Variants in AP2A2 observed in about 807,000 individuals in gnomAD.
The protein encoded by AP2A2 is adaptor related protein complex 2 subunit alpha 2, also known as AP-2 complex subunit alpha-2.
Under a neutral mutation model 104.2 loss-of-function variants are expected in AP2A2, and 32 were observed. That is an observed-to-expected ratio of 0.31 (90% CI 0.23 to 0.41). The LOEUF (loss-of-function observed/expected upper bound fraction) is 0.41. Among genes scored for constraint, AP2A2 ranks in the 10% least tolerant of loss-of-function variants. The pLI, the probability that AP2A2 is intolerant of heterozygous loss-of-function variation, is 1.00. For synonymous variants in AP2A2, 539 were observed against 533.3 expected, an observed-to-expected ratio of 1.01 and a Z score of -0.15; for missense variants, 912 against 1,261.0, an observed-to-expected ratio of 0.72 and a Z score of 4.19.
intron 1 of AP2A2, among the ~76,000 whole-genome samples, chr11:953,990 A>G (rs1475107185): frequency 6.6e-6 from 1 of 151,838 alleles, no homozygotes; most frequent in Non-Finnish European, 1.5e-5. Context: ...GCCTGCCACC[A>G]TGCCTGGCTA....
intron 6 of AP2A2, among the ~76,000 whole-genome samples, chr11:983,567 T>C (rs1028607666): frequency 2.0e-5 from 3 of 151,778 alleles, no homozygotes; most frequent in Non-Finnish European, 4.4e-5. Flanking sequence ...TATTTTTTAG[T>C]AGAGATGGGG....
At chr11:988,943 C>T (rs1414080332) in intron 10 of AP2A2, 7 of 521,920 alleles carry the variant, frequency 1.3e-5, no homozygotes, top group South Asian at 4.2e-5. Flanking sequence ...TGCAGTGAGT[C>T]GAGATCATGT....
chr11:1,011,632 C>T lies in AP2A2; in HGVS notation c.*1007C>T, dbSNP rs1283485696. The T allele has an allele frequency of 1.8e-5, 7 of 385,810 alleles. No individual in the cohort carries two copies. Among genetic ancestry groups the T allele is most frequent in the Non-Finnish European group, 3.1e-5 (6 of 191,924 alleles). The allele number at this position is 385,810 out of a possible 1,614,324, so 23.9% of individuals were successfully genotyped here. ...TGAGAGGCGAGAGAGTGGGGCCGGC[C>T]TAGGAGCCAAGGCTGGGGCCTTGCG... On this transcript the variant is annotated 3_prime_UTR_variant, in exon 22 of 22. Coordinates refer to ENST00000448903, the MANE Select transcript of AP2A2 (RefSeq NM_012305.4).
chr11:963,800 A>C (rs1854523192), intron 2 of AP2A2, among the ~76,000 whole-genome samples: 1 of 152,188 alleles, frequency 6.6e-6, no homozygotes, highest in Admixed American at 6.5e-5. Flanking sequence ...CATTTAAAAA[A>C]AGTTTTGTAG....
At chr11:985,358 A>G in intron 7 of AP2A2, 77 bp from the exon 8 acceptor site, 3 of 1,520,394 alleles carry the variant, frequency 2.0e-6, no homozygotes, top group South Asian at 2.5e-5. Flanking sequence ...CTCATGATGT[A>G]TGGGTGCAGC....
Position 994,193 on chromosome 11 carries a change from G to A in AP2A2, c.1904G>A (p.Ser635Asn). The stretch of plus-strand genomic sequence containing the variant: ...CTGGAGGACACCAAGCGGGACAGGA[G>A]TGTGGACGTGAACGGGGGTCCTGAG... ...TDLEDTKRDRSVDVNGGPEPA... is the reference protein window; with the variant it reads ...TDLEDTKRDRNVDVNGGPEPA... Residue 635 changes from serine to asparagine, a missense_variant, in exon 14 of 22, where the codon AGT becomes AAT. Ser to Asn is a conservative substitution (Grantham distance 46, BLOSUM62 1). This residue lies in a region of AP2A2 where 105 missense variants were observed against 90.9 expected (regional missense o/e 1.16). Transcript: ENST00000448903. 2 of 1,613,012 alleles carry A rather than the reference G, an allele frequency of 1.2e-6. No homozygotes were observed. The highest frequency in any genetic ancestry group is 2.2e-5 in the East Asian group (1 of 44,880).
intron 14 of AP2A2, among the ~76,000 whole-genome samples, chr11:997,853 T>C (rs1855903007): frequency 6.6e-6 from 1 of 152,118 alleles, no homozygotes; most frequent in Admixed American, 6.6e-5. Context: ...TGCAGTGAGC[T>C]GAGATTGCAC....
At chr11:960,997 G>A (rs1056938775) in intron 2 of AP2A2, among the ~76,000 whole-genome samples, 3 of 152,274 alleles carry the variant, frequency 2.0e-5, no homozygotes, top group Non-Finnish European at 4.4e-5. Flanking sequence ...GGAAACCAGT[G>A]ATCTCAAGTT....
Position 988,566 on chromosome 11 carries a change from G to A in AP2A2, c.1146G>A (p.Val382=). The change falls in exon 10 of 22, where the codon GTG becomes GTA. Residue 382 remains valine, a synonymous_variant. Coordinates refer to ENST00000448903, the MANE Select transcript of AP2A2 (RefSeq NM_012305.4). ...VINALKTERD[V]SVRQRAVDLL... is the part of the protein sequence containing the mutation. ...TTGTTCCCCAGACTGAGCGGGACGT[G>A]AGCGTGCGGCAGCGGGCCGTGGACC... The A allele has an allele frequency of 6.2e-7, 1 of 1,611,924 alleles. No individual in the cohort carries two copies. The highest frequency in any genetic ancestry group is 8.5e-7 in the Non-Finnish European group (1 of 1,179,864).
At position 994,379 on chromosome 11, in the gene AP2A2, C is replaced by T. The variant is rs538834769; in HGVS notation, c.1956+134C>T. 52 of 1,146,472 alleles carry T rather than the reference C, an allele frequency of 4.5e-5. 1 individual carries two copies. In the South Asian group the frequency reaches 5.1e-4, roughly 11 times the overall value. 71.0% of individuals were successfully genotyped at this position (1,146,472 alleles called of 1,614,324 possible). On this transcript the variant is annotated intron_variant, in intron 14 of 21. Coordinates refer to ENST00000448903, the MANE Select transcript of AP2A2 (RefSeq NM_012305.4). ...GCTCTGGCTGTGGCTCTGGACACCC[C>T]GCTGTCCTGTCCTGGGGGCCACTGT...
At chr11:977,699 G>A (rs1018768071) in intron 5 of AP2A2, among the ~76,000 whole-genome samples, 1 of 151,890 alleles carries the variant, frequency 6.6e-6, no homozygotes, top group Admixed American at 6.6e-5. Flanking sequence ...GGGAGGGGCT[G>A]TGCTAGTGTG....
chr11:983,840 G>A (rs192377019), intron 6 of AP2A2, among the ~76,000 whole-genome samples: 209 of 152,310 alleles, frequency 1.4e-3, no homozygotes, highest in Non-Finnish European at 2.7e-3. Flanking sequence ...TGTGTGTCAC[G>A]GAAGTGCTGT....
At chr11:938,131 T>G (rs1853523702) in intron 1 of AP2A2, among the ~76,000 whole-genome samples, 1 of 152,216 alleles carries the variant, frequency 6.6e-6, no homozygotes, top group African/African-American at 2.4e-5. Flanking sequence ...GGTGTTGCTT[T>G]ATGATGGTGA....
At chr11:982,186 G>A (rs1011887555) in intron 6 of AP2A2, among the ~76,000 whole-genome samples, 1 of 152,202 alleles carries the variant, frequency 6.6e-6, no homozygotes, top group African/African-American at 2.4e-5. Context: ...GAGTAGCTGG[G>A]ATTACAGGCA....
chr11:971,937 C>T (rs1047766744), intron 3 of AP2A2, 125 bp from the exon 4 acceptor site: 3 of 899,562 alleles, frequency 3.3e-6, no homozygotes, highest in Non-Finnish European at 5.0e-6. Context: ...CAGCAGTGCC[C>T]TGGGTGCGTG....
intron 1 of AP2A2, among the ~76,000 whole-genome samples, chr11:954,614 TA>T (rs1854173475): frequency 6.6e-6 from 1 of 152,144 alleles, no homozygotes; most frequent in African/African-American, 2.4e-5. Context: ...TATTTGTGTG[TA>T]TTTGGTTTAT....
chr11:977,001 C>A (rs1365086551), intron 4 of AP2A2, 94 bp from the exon 5 acceptor site: 3 of 1,545,162 alleles, frequency 1.9e-6, no homozygotes, highest in South Asian at 1.2e-5. Context: ...GCCAGCCCCA[C>A]CCCCGCGTCT....
chr11:933,014 A>G (rs772909423), intron 1 of AP2A2, among the ~76,000 whole-genome samples: 1 of 152,240 alleles, frequency 6.6e-6, no homozygotes, highest in Non-Finnish European at 1.5e-5. Context: ...TCACGCCTGT[A>G]ATCCCAGCAC....
At position 949,967 on chromosome 11, in the gene AP2A2, C is replaced by T. The variant is rs148314858; in HGVS notation, c.68-9470C>T. Among the ~76,000 whole-genome samples, 605 of 152,114 alleles carry T rather than the reference C, an allele frequency of 4.0e-3. 1 individual carries two copies. The highest frequency in any genetic ancestry group is 0.014 in the African/African-American group (575 of 41,470). On this transcript the variant is annotated intron_variant, in intron 1 of 21. Coordinates refer to ENST00000448903, the MANE Select transcript of AP2A2 (RefSeq NM_012305.4). The stretch of plus-strand genomic sequence containing the variant: ...GGATTGGAGGATTCACATGCTGATT[C>T]CAAAACTTAATACACAAATGATTAA...
Sources: gnomAD v4.1 joint callset for allele counts (sites outside exome capture counted in the v4.1 genomes callset) on GRCh38, gnomAD v4.1.1 for gene constraint, gnomAD v4.1.1 regional missense constraint, MANE v1.5 for transcripts, NCBI Gene and HGNC (gene_info 2026-07-23, HGNC 2026-07-21) for gene names.